The following DNAH11 variants were observed in gnomAD, a reference collection of about 807,000 sequenced individuals.
DNAH11 encodes the protein dynein axonemal heavy chain 11.
Under a neutral mutation model 526.0 loss-of-function variants are expected in DNAH11, and 442 were observed. The ratio of observed to expected loss-of-function variants is 0.84; its 90% confidence interval spans 0.78 to 0.91. DNAH11 has a LOEUF of 0.91. Among genes scored for constraint, DNAH11 ranks in the 40% least tolerant of loss-of-function variants. The pLI, the probability that DNAH11 is intolerant of heterozygous loss-of-function variation, is 0.00. For missense variants in DNAH11, 6,989 were observed against 5,448.7 expected (o/e 1.28, Z -8.90); for synonymous variants, 2,461 against 1,935.9 (o/e 1.27, Z -7.12).
intron 36 of DNAH11, among the ~76,000 whole-genome samples, chr7:21,700,890 A>G (rs183272223): frequency 1.5e-3 from 227 of 152,242 alleles, no homozygotes; most frequent in African/African-American, 5.2e-3. Flanking sequence ...ATTCTCACTC[A>G]TAAGTAGGAG....
Position 21,818,368 on chromosome 7 carries a change from T to G in DNAH11, c.10691+29T>G, listed in dbSNP as rs773775247. The G allele has an allele frequency of 1.9e-6, 3 of 1,594,768 alleles. No individual in the cohort carries two copies. In the African/African-American group the frequency reaches 4.1e-5, roughly 22 times the overall value. ...AGTATTCTTGAATTTTTAACATATA[T>G]ATCTTGCTAAATGATTTTCAGCAGC... On this transcript the variant is annotated intron_variant, in intron 65 of 81. Coordinates refer to ENST00000409508, the MANE Select transcript of DNAH11 (RefSeq NM_001277115.2).
chr7:21,724,909 G>A (rs1334829143), intron 44 of DNAH11, among the ~76,000 whole-genome samples: 1 of 151,646 alleles, frequency 6.6e-6, no homozygotes, highest in Non-Finnish European at 1.5e-5. Flanking sequence ...TATGGATATA[G>A]GAGTCACTGG....
rs183097939 is a variant in DNAH11, at chr7:21,776,337, A to G, written c.9336+2338A>G. On this transcript the variant is annotated intron_variant, in intron 56 of 81. Transcript: ENST00000409508. The stretch of plus-strand genomic sequence containing the variant: ...ATCAAAAAAGTGGTTGGAATATTCA[A>G]TAGCTACATGGCAGTTTTAGAAATA... Among the ~76,000 whole-genome samples, 14 of 152,344 alleles carry G rather than the reference A, an allele frequency of 9.2e-5. 1 individual carries two copies. The highest frequency in any genetic ancestry group is 6.5e-4 in the Admixed American group (10 of 15,302).
At chr7:21,765,658 A>ACACACACT (rs1442413256) in intron 55 of DNAH11, 69 bp downstream of exon 55, 10 of 1,362,878 alleles carry the variant, frequency 7.3e-6, no homozygotes, top group South Asian at 4.7e-5. Context: ...ACACACACAC[A>ACACACACT]CTCTGAAAAT....
intron 69 of DNAH11, among the ~76,000 whole-genome samples, chr7:21,863,472 C>T (rs1038983662): frequency 1.8e-4 from 27 of 152,208 alleles, no homozygotes; most frequent in African/African-American, 6.0e-4. Flanking sequence ...GGACTACAGG[C>T]GTGCACCACC....
chr7:21,784,436 A>T lies in DNAH11; in HGVS notation c.9493A>T (p.Ile3165Phe). 6.2e-7 allele frequency: 1 copy of T among 1,612,936 alleles called. No individual in the cohort carries two copies. Among genetic ancestry groups the T allele is most frequent in the African/African-American group, 1.3e-5 (1 of 75,052 alleles). Reference protein sequence around the residue: ...ADAEERKVTAIQTEVFQKQRE... With the variant: ...ADAEERKVTAFQTEVFQKQRE... Reference sequence around the variant, plus strand: ...TTTCCTCTTTAATTAGGTGACAGCCATTCAGACTGAAGTGTTCCAGAAACA... The same window carrying T: ...TTTCCTCTTTAATTAGGTGACAGCCTTTCAGACTGAAGTGTTCCAGAAACA... The change falls in exon 58 of 82, where the codon ATT becomes TTT. Residue 3165 changes from isoleucine (I) to phenylalanine (F), a missense_variant. By Grantham distance (21) the Ile-to-Phe change is conservative. Transcript: ENST00000409508.
At chr7:21,898,406 C>T (rs999495170) in intron 79 of DNAH11, among the ~76,000 whole-genome samples, 1 of 152,156 alleles carries the variant, frequency 6.6e-6, no homozygotes, top group African/African-American at 2.4e-5. Context: ...AGGCAAGTAT[C>T]TCAGGCAGAC....
At chr7:21,825,354 T>C (rs962297731) in intron 65 of DNAH11, among the ~76,000 whole-genome samples, 6 of 152,214 alleles carry the variant, frequency 3.9e-5, no homozygotes, top group Admixed American at 1.3e-4. Context: ...CAGGTACACA[T>C]AGCAAGATTC....
chr7:21,861,450 T>A (rs1487974560), intron 68 of DNAH11, among the ~76,000 whole-genome samples: 1 of 152,258 alleles, frequency 6.6e-6, no homozygotes, highest in Non-Finnish European at 1.5e-5. Flanking sequence ...AAATTCCACA[T>A]TTCTTGTGGT....
chr7:21,899,273 A>G, intron 79 of DNAH11, 63 bp from the exon 80 acceptor site: 1 of 1,337,278 alleles, frequency 7.5e-7, no homozygotes. Flanking sequence ...CCACAACAGA[A>G]CATACTGGAA....
chr7:21,851,472 C>G, intron 66 of DNAH11: 1 of 457,514 alleles, frequency 2.2e-6, no homozygotes, highest in Non-Finnish European at 4.5e-6. Flanking sequence ...CAAGTAGTTT[C>G]CCTTGTGGGC....
chr7:21,748,161 TCACTA>T (rs1786232365), intron 51 of DNAH11, among the ~76,000 whole-genome samples: 3 of 21,040 alleles, frequency 1.4e-4, no homozygotes, highest in African/African-American at 1.8e-4. Flanking sequence ...ATTTAGTCTC[TCACTA>T]TACTATTTAT....
chr7:21,545,875 C>G (rs1179860395), intron 2 of DNAH11, among the ~76,000 whole-genome samples: 3 of 152,194 alleles, frequency 2.0e-5, no homozygotes, highest in Non-Finnish European at 4.4e-5. Context: ...GAACTAGAAC[C>G]TGGCTCTCAA....
In DNAH11 at chr7:21,808,233, T is replaced by A. The variant is rs72657396; in HGVS notation, c.10332+184T>A. On this transcript the variant is annotated intron_variant, in intron 63 of 81. Coordinates refer to ENST00000409508, the MANE Select transcript of DNAH11 (RefSeq NM_001277115.2). The stretch of plus-strand genomic sequence containing the variant: ...TTTTTACAAAGTTCATAATAAATAT[T>A]TCATTATTTTTAAAAATGTTTTTAT... Among the ~76,000 whole-genome samples the A allele has an allele frequency of 2.8e-3, 431 of 152,314 alleles. 1 individual carries two copies. Among genetic ancestry groups the A allele is most frequent in the Non-Finnish European group, 4.5e-3 (309 of 68,024 alleles).
chr7:21,683,624 T>C (rs1445335765), intron 31 of DNAH11, among the ~76,000 whole-genome samples, 160 bp from the exon 32 acceptor site: 1 of 152,240 alleles, frequency 6.6e-6, no homozygotes, highest in Non-Finnish European at 1.5e-5. Context: ...TCTTATTAAG[T>C]ATTTAACCAT....
intron 57 of DNAH11, among the ~76,000 whole-genome samples, chr7:21,784,114 C>A (rs556106151): frequency 1.3e-5 from 2 of 152,122 alleles, no homozygotes; most frequent in African/African-American, 2.4e-5. Context: ...AACTGAAGAA[C>A]AGAGGAATCA....
intron 75 of DNAH11, among the ~76,000 whole-genome samples, chr7:21,883,425 G>T (rs1315580224): frequency 6.6e-6 from 1 of 152,190 alleles, no homozygotes; most frequent in Non-Finnish European, 1.5e-5. Context: ...ACATGGTATA[G>T]TCATTAGTTA....
At position 21,862,016 on chromosome 7, in the gene DNAH11, C is replaced by T. The variant is rs1783082987; in HGVS notation, c.11366C>T (p.Ala3789Val). ...AAGCTCACCTTCCTGTCCCAGATGG[C>T]TTTTCAGGTAAGGAGATCAGTTACT... ...KDKLTFLSQM[A>V]FQILLRKKEI... Residue 3789 changes from alanine (A) to valine (V), a missense_variant, in exon 69 of 82, where the codon GCT (alanine) becomes GTT (valine). Coordinates refer to ENST00000409508, the MANE Select transcript of DNAH11 (RefSeq NM_001277115.2). 1 of 1,611,024 alleles carries T rather than the reference C, an allele frequency of 6.2e-7. No individual in the cohort carries two copies. The highest frequency in any genetic ancestry group is 8.5e-7 in the Non-Finnish European group (1 of 1,178,630).
At position 21,901,517 on chromosome 7, in the gene DNAH11, C is replaced by T. The variant is rs192515848; in HGVS notation, c.*263C>T. 39 of 278,054 alleles carry T rather than the reference C, an allele frequency of 1.4e-4. No homozygotes were observed. The highest frequency in any genetic ancestry group is 8.5e-4 in the Admixed American group (16 of 18,868). The allele number at this position is 278,054 out of a possible 1,614,324, so 17.2% of individuals were successfully genotyped here. On this transcript the variant is annotated 3_prime_UTR_variant, in exon 82 of 82. Transcript: ENST00000409508. ...CTAGGAGGCAAAGGTTGCAGTGAGC[C>T]GAGGTTGCACCACTGCACTCCCTCC...
Sources: gnomAD v4.1 joint callset for allele counts (sites outside exome capture counted in the v4.1 genomes callset) on GRCh38, gnomAD v4.1.1 for gene constraint, MANE v1.5 for transcripts, NCBI Gene and HGNC (gene_info 2026-07-23, HGNC 2026-07-21) for gene names.